Variants in GALNT17 observed in about 807,000 individuals in gnomAD.
GALNT17 encodes the protein polypeptide N-acetylgalactosaminyltransferase 17, also known as UDP-GalNAc:polypeptide N-acetylgalactosaminyltransferase-like 3.
GALNT17 carries 29 observed loss-of-function variants against 63.7 expected under a neutral mutation model. The ratio of observed to expected loss-of-function variants is 0.46; its 90% confidence interval spans 0.34 to 0.62. GALNT17 has a LOEUF of 0.62. Ranked by LOEUF, GALNT17 falls within the 20% of genes least tolerant of loss-of-function variation. GALNT17 has a pLI of 0.01. For synonymous variants in GALNT17, 305 were observed against 318.3 expected, an observed-to-expected ratio of 0.96 and a Z score of 0.45; for missense variants, 603 against 799.6, an observed-to-expected ratio of 0.75 and a Z score of 2.97.
rs544189149 is a variant in GALNT17 at position 71,232,926 on chromosome 7, T to G, written c.238+99886T>G. 9.9e-5 allele frequency among the ~76,000 whole-genome samples: 15 copies of G among 152,096 alleles called. No homozygotes were observed. The South Asian group carries it at 3.1e-3, about 32-fold the overall frequency. On this transcript the variant is annotated intron_variant, in intron 1 of 10. Coordinates refer to ENST00000333538, the MANE Select transcript of GALNT17 (RefSeq NM_022479.3). ...GTTACCAATCTCGTCCAAAGTCCAG[T>G]CCCATCTCCTATCTCAGAAGTAGCA...
At chr7:71,138,415 C>T (rs1369422983) in intron 1 of GALNT17, among the ~76,000 whole-genome samples, 1 of 151,894 alleles carries the variant, frequency 6.6e-6, no homozygotes, top group Admixed American at 6.6e-5. Flanking sequence ...GTCATCTTCA[C>T]ATTGAGTAGG....
chr7:71,381,118 G>A (rs1345593404), intron 2 of GALNT17, among the ~76,000 whole-genome samples: 2 of 151,914 alleles, frequency 1.3e-5, no homozygotes, highest in African/African-American at 2.4e-5. Context: ...GTGCCACCAC[G>A]CCCAGCTGAT....
intron 1 of GALNT17, among the ~76,000 whole-genome samples, chr7:71,234,045 C>G (rs1315615763): frequency 1.3e-5 from 2 of 152,134 alleles, no homozygotes; most frequent in Non-Finnish European, 2.9e-5. Flanking sequence ...GATCCAGTCA[C>G]CTCCCACCAG....
chr7:71,199,340 G>T (rs1177107025), intron 1 of GALNT17, among the ~76,000 whole-genome samples: 1 of 152,088 alleles, frequency 6.6e-6, no homozygotes, highest in East Asian at 1.9e-4. Flanking sequence ...TGTAATTTTT[G>T]TAACCCATTG....
intron 2 of GALNT17, among the ~76,000 whole-genome samples, chr7:71,368,900 A>G (rs1792563855): frequency 1.5e-5 from 2 of 131,176 alleles, no homozygotes; most frequent in South Asian, 5.6e-4. Flanking sequence ...GCGTATCTAT[A>G]CTGCCCAGTT....
chr7:71,582,933 C>G (rs778017382), intron 6 of GALNT17, among the ~76,000 whole-genome samples: 2 of 151,966 alleles, frequency 1.3e-5, no homozygotes, highest in Non-Finnish European at 2.9e-5. Context: ...ACTCAGGTAA[C>G]CAAACACCCC....
chr7:71,230,167 C>T (rs189371690), intron 1 of GALNT17, among the ~76,000 whole-genome samples: 1 of 151,830 alleles, frequency 6.6e-6, no homozygotes, highest in East Asian at 1.9e-4. Context: ...TCCCAACTCC[C>T]CATGAGACAG....
chr7:71,244,016 G>C (rs1234499414), intron 1 of GALNT17, among the ~76,000 whole-genome samples: 2 of 152,174 alleles, frequency 1.3e-5, no homozygotes, highest in African/African-American at 2.4e-5. Flanking sequence ...TGGGGAAAGG[G>C]AGATGGAGGT....
At chr7:71,449,068 C>T (rs1787210008) in intron 5 of GALNT17, among the ~76,000 whole-genome samples, 2 of 137,336 alleles carry the variant, frequency 1.5e-5, no homozygotes, top group East Asian at 2.2e-4. Context: ...TGCTCTACTT[C>T]AGTGAAAAGT....
intron 8 of GALNT17, among the ~76,000 whole-genome samples, chr7:71,673,072 T>G (rs192731999): frequency 3.9e-4 from 59 of 152,276 alleles, no homozygotes; most frequent in Non-Finnish European, 6.6e-4. Context: ...AAGGCCTTAG[T>G]AATATGAAAA....
intron 9 of GALNT17, among the ~76,000 whole-genome samples, chr7:71,689,799 G>A (rs1206031385): frequency 6.6e-6 from 1 of 152,198 alleles, no homozygotes. Flanking sequence ...ATAGAGAGGA[G>A]AAGTCCATGC....
intron 5 of GALNT17, among the ~76,000 whole-genome samples, chr7:71,433,196 A>C (rs1190546146): frequency 6.6e-6 from 1 of 152,212 alleles, no homozygotes; most frequent in Non-Finnish European, 1.5e-5. Flanking sequence ...TTCCAGATAA[A>C]AACAGGAGGT....
chr7:71,711,796 TC>T (rs1791797243), intron 10 of GALNT17, among the ~76,000 whole-genome samples: 1 of 151,142 alleles, frequency 6.6e-6, no homozygotes, highest in East Asian at 2.0e-4. Context: ...CTCTTTCTCT[TC>T]TGTCTCTATC....
intron 6 of GALNT17, among the ~76,000 whole-genome samples, chr7:71,597,534 A>ATAAG (rs1554313881): frequency 7.9e-5 from 12 of 152,010 alleles, no homozygotes; most frequent in South Asian, 4.2e-4. Flanking sequence ...AAATAAATAA[A>ATAAG]TAAGTAAATA....
chr7:71,313,644 G>T (rs186234236), intron 1 of GALNT17, among the ~76,000 whole-genome samples: 60 of 152,302 alleles, frequency 3.9e-4, no homozygotes, highest in African/African-American at 1.4e-3. Flanking sequence ...CTTAAAAAAT[G>T]GTGAGCCATA....
At chr7:71,300,999 T>G (rs1791185442) in intron 1 of GALNT17, 1 of 152,218 alleles carries the variant, frequency 6.6e-6, no homozygotes, top group Non-Finnish European at 1.5e-5. Context: ...TTTAAAGTAA[T>G]TATTGAGGTC....
At chr7:71,508,147 C>T (rs1435807478) in intron 5 of GALNT17, among the ~76,000 whole-genome samples, 2 of 152,148 alleles carry the variant, frequency 1.3e-5, no homozygotes, top group Non-Finnish European at 2.9e-5. Context: ...TGGAGTGAAC[C>T]TCTCCTTTCC....
intron 5 of GALNT17, among the ~76,000 whole-genome samples, chr7:71,519,524 C>T (rs1788495484): frequency 6.6e-6 from 1 of 152,186 alleles, no homozygotes; most frequent in African/African-American, 2.4e-5. Flanking sequence ...AGTGCAGTGG[C>T]ATGATCTCAG....
chr7:71,477,093 C>A (rs1583986895), intron 5 of GALNT17, among the ~76,000 whole-genome samples: 1 of 152,102 alleles, frequency 6.6e-6, no homozygotes, highest in East Asian at 1.9e-4. Context: ...GTAAGCATTA[C>A]TATGTAAGTT....
Sources: allele counts gnomAD v4.1 joint callset (sites outside exome capture counted in the v4.1 genomes callset), GRCh38; gene constraint gnomAD v4.1.1; transcripts MANE v1.5; gene names NCBI Gene and HGNC (gene_info 2026-07-23, HGNC 2026-07-21).